DGKI: variants seen among roughly 807,000 people sequenced by gnomAD.
DGKI encodes the protein DAG kinase iota.
In DGKI, 55 loss-of-function variants were observed where a neutral mutation model predicts 147.5. The ratio of observed to expected loss-of-function variants is 0.37; its 90% CI spans 0.30 to 0.47. The LOEUF is 0.47. DGKI is among the 20% of genes least tolerant of loss of function. DGKI has a pLI of 1.00. For missense variants in DGKI, 1,007 were observed against 1,323.8 expected (o/e 0.76, Z 3.71); for synonymous variants, 469 against 477.1 (o/e 0.98, Z 0.22).
intron 28 of DGKI, among the ~76,000 whole-genome samples, chr7:137,419,086 C>T (rs770247872): frequency 8.5e-5 from 13 of 152,160 alleles, no homozygotes; most frequent in African/African-American, 2.9e-4. Flanking sequence ...ATTTACTTGC[C>T]TCCCCCCTTC....
intron 30 of DGKI, among the ~76,000 whole-genome samples, chr7:137,402,616 C>CCA (rs1478639900): frequency 2.0e-4 from 31 of 152,244 alleles, no homozygotes; most frequent in Middle Eastern, 3.4e-3. Context: ...AATTTGCTTC[C>CCA]CACACCAATG....
intron 23 of DGKI, among the ~76,000 whole-genome samples, chr7:137,483,637 C>T (rs1468722925): frequency 6.6e-6 from 1 of 152,008 alleles, no homozygotes; most frequent in African/African-American, 2.4e-5. Flanking sequence ...TGTTGTTCCC[C>T]TCTCTGTGTC....
intron 3 of DGKI, among the ~76,000 whole-genome samples, chr7:137,666,576 T>C (rs1822649999): frequency 6.6e-6 from 1 of 152,232 alleles, no homozygotes; most frequent in South Asian, 2.1e-4. Flanking sequence ...GCAGCCAGTC[T>C]TTATAACAAG....
intron 1 of DGKI, among the ~76,000 whole-genome samples, chr7:137,706,666 G>A (rs200598915): frequency 1.7e-4 from 26 of 151,190 alleles, no homozygotes; most frequent in African/African-American, 5.3e-4. Flanking sequence ...TCCGCCTCCC[G>A]GGTTCAAGCG....
At chr7:137,521,453 T>C (rs1052489058) in intron 21 of DGKI, among the ~76,000 whole-genome samples, 9 of 152,104 alleles carry the variant, frequency 5.9e-5, no homozygotes, top group Non-Finnish European at 2.9e-5. Context: ...GTGCTGAATG[T>C]GCCTCTTTGC....
intron 28 of DGKI, among the ~76,000 whole-genome samples, chr7:137,426,734 GGCAGGGGTT>G (rs1812825650): frequency 6.6e-6 from 1 of 151,166 alleles, no homozygotes; most frequent in Admixed American, 6.6e-5. Flanking sequence ...AACAAAAAAA[GGCAGGGGTT>G]GCAATCCTAG....
At chr7:137,574,062 C>A (rs1300821866) in intron 17 of DGKI, among the ~76,000 whole-genome samples, 1 of 152,164 alleles carries the variant, frequency 6.6e-6, no homozygotes, top group Non-Finnish European at 1.5e-5. Flanking sequence ...AAGCTCCCTG[C>A]AAATTCTGAA....
chr7:137,583,280 A>G (rs1819269795), intron 14 of DGKI, among the ~76,000 whole-genome samples: 1 of 152,176 alleles, frequency 6.6e-6, no homozygotes, highest in Non-Finnish European at 1.5e-5. Flanking sequence ...ACATAGAACA[A>G]TGCCAAAATC....
chr7:137,778,241 T>C (rs1055307716), intron 1 of DGKI, among the ~76,000 whole-genome samples: 7 of 152,122 alleles, frequency 4.6e-5, no homozygotes, highest in Non-Finnish European at 1.0e-4. Context: ...ATAGAGGCAT[T>C]TTAGTCAGGA....
intron 23 of DGKI, among the ~76,000 whole-genome samples, chr7:137,473,972 C>T (rs1449398266): frequency 6.6e-6 from 1 of 152,142 alleles, no homozygotes; most frequent in Non-Finnish European, 1.5e-5. Context: ...GTTAGAAAAG[C>T]AAAAGTAGAG....
rs774300065 is a variant in DGKI at position 137,846,583 on chromosome 7, A to C, written c.280T>G (p.Ser94Ala). The stretch of plus-strand genomic sequence containing the variant: ...GCAGCGGCCCCCGCCGCCGCGGCTG[A>C]CCCTGCGCCCCGCGGGTCCGCGCCG... ...EGGADPRGAG[S>A]AAAAGAAALD... The change falls in exon 1 of 33, where the codon TCA becomes GCA. Residue 94 changes from serine (S) to alanine (A), a missense_variant. Physicochemically the swap from Ser to Ala is moderately conservative, Grantham distance 99 (BLOSUM62 1). Transcript: ENST00000614521. This position sits in a 1 kb window ranked among gnomAD's most constrained non-coding sequence, Gnocchi z 4.0. 8.1e-7 allele frequency: 1 copy of C among 1,241,276 alleles called. No homozygotes were observed. Among genetic ancestry groups the C allele is most frequent in the Non-Finnish European group, 1.0e-6 (1 of 991,256 alleles). 76.9% of individuals were successfully genotyped at this position (1,241,276 alleles called of 1,614,324 possible). A position where few individuals can be genotyped will look rare whatever the true frequency, so the allele number is the denominator to read the frequency against.
At chr7:137,455,278 G>A (rs1814146439) in intron 27 of DGKI, among the ~76,000 whole-genome samples, 1 of 152,090 alleles carries the variant, frequency 6.6e-6, no homozygotes. Context: ...ACTCTAATGT[G>A]TCTAAGGACA....
intron 1 of DGKI, chr7:137,771,897 C>T (rs1796209483): frequency 6.6e-6 from 1 of 152,178 alleles, no homozygotes; most frequent in Non-Finnish European, 1.5e-5. Context: ...ATTCCAGAAT[C>T]ATGAAAAGGC....
At chr7:137,573,570 A>C (rs994196837) in intron 17 of DGKI, among the ~76,000 whole-genome samples, 7 of 152,118 alleles carry the variant, frequency 4.6e-5, no homozygotes, top group Admixed American at 4.6e-4. Context: ...ACGCCCAGCT[A>C]ATTTTTGTAT....
At chr7:137,445,942 G>T (rs893494897) in intron 27 of DGKI, among the ~76,000 whole-genome samples, 1 of 152,190 alleles carries the variant, frequency 6.6e-6, no homozygotes, top group Admixed American at 6.5e-5. Context: ...GAATCTAAAA[G>T]AGAACCTATA....
rs1480558727 is a variant in DGKI at position 137,617,989 on chromosome 7, T to C, written c.993+1835A>G. Among the ~76,000 whole-genome samples, 6 of 149,928 alleles carry C rather than the reference T, an allele frequency of 4.0e-5. No individual in the cohort carries two copies. In the East Asian group the frequency reaches 1.2e-3, roughly 30 times the overall value. On this transcript the variant is annotated intron_variant, in intron 8 of 32. Coordinates refer to ENST00000614521, the MANE Select transcript of DGKI (RefSeq NM_001321708.2). ...ATAACAAAAAGGGTTTCTTAAGGTT[T>C]AGAAGAGTAAACTTTGCAATTTCCC...
At chr7:137,845,523 T>A (rs1798685428) in intron 1 of DGKI, among the ~76,000 whole-genome samples, 1 of 152,198 alleles carries the variant, frequency 6.6e-6, no homozygotes, top group South Asian at 2.1e-4. Flanking sequence ...TGCTTGCATA[T>A]CACCTCGACC....
chr7:137,454,367 C>G (rs1205107633), intron 27 of DGKI, among the ~76,000 whole-genome samples: 3 of 152,248 alleles, frequency 2.0e-5, no homozygotes, highest in Middle Eastern at 3.4e-3. Flanking sequence ...GAATGTCTTT[C>G]GAGTATAAAA....
intron 21 of DGKI, among the ~76,000 whole-genome samples, chr7:137,497,711 T>C (rs1324911454): frequency 2.6e-5 from 4 of 152,120 alleles, no homozygotes; most frequent in African/African-American, 9.7e-5. Context: ...ATTTAATAAG[T>C]ATCACATATT....
Sources: gnomAD v4.1 joint callset for allele counts (sites outside exome capture counted in the v4.1 genomes callset) on GRCh38, gnomAD v4.1.1 for gene constraint, Gnocchi (gnomAD v3.1) non-coding constraint, MANE v1.5 for transcripts, NCBI Gene and HGNC (gene_info 2026-07-23, HGNC 2026-07-21) for gene names.